The following RSU1 variants were observed in gnomAD, a reference collection of about 807,000 sequenced individuals.
The protein encoded by RSU1 is Ras suppressor protein 1.
In RSU1, 26 loss-of-function variants were observed where a neutral mutation model predicts 31.1. The observed-to-expected ratio is 0.84, with a 90% CI of 0.61 to 1.16. RSU1 has a LOEUF of 1.16. RSU1 is among the 50% of genes most tolerant of loss of function. The pLI is 0.00. For missense variants in RSU1, 320 were observed against 339.1 expected, an observed-to-expected ratio of 0.94 and a Z score of 0.44; for synonymous variants, 164 against 136.3, an observed-to-expected ratio of 1.20 and a Z score of -1.41.
At chr10:16,710,650 G>A (rs1835999137) in intron 7 of RSU1, among the ~76,000 whole-genome samples, 1 of 151,958 alleles carries the variant, frequency 6.6e-6, no homozygotes. Context: ...TTTCTTTGAT[G>A]AAACATTTTT....
In RSU1 at chr10:16,768,365, T is replaced by G. The variant is rs184664643; in HGVS notation, c.161-3855A>C. Among the ~76,000 whole-genome samples, 721 of 152,332 alleles carry G rather than the reference T, an allele frequency of 4.7e-3. 1 individual carries two copies. Among genetic ancestry groups the G allele is most frequent in the Non-Finnish European group, 6.9e-3 (471 of 68,026 alleles). The stretch of plus-strand genomic sequence containing the variant: ...CTTTAAATAATTCAACAAATGGGGC[T>G]CTCAATTAGGAAGCTTAGTCATGTA... On this transcript the variant is annotated intron_variant, in intron 3 of 8. Coordinates refer to ENST00000345264, the MANE Select transcript of RSU1 (RefSeq NM_012425.4).
intron 7 of RSU1, among the ~76,000 whole-genome samples, chr10:16,696,344 T>C (rs1835676713): frequency 6.6e-6 from 1 of 152,244 alleles, no homozygotes; most frequent in Admixed American, 6.5e-5. Context: ...AATCATTGCC[T>C]AGCTGATCTG....
chr10:16,812,680 G>C (rs1381753323), intron 2 of RSU1, among the ~76,000 whole-genome samples: 4 of 151,888 alleles, frequency 2.6e-5, no homozygotes, highest in Admixed American at 2.0e-4. Flanking sequence ...TTGTTTTCGA[G>C]ATTTATCTGA....
intron 8 of RSU1, among the ~76,000 whole-genome samples, chr10:16,683,392 T>G (rs1835374172): frequency 6.6e-6 from 1 of 152,158 alleles, no homozygotes; most frequent in Non-Finnish European, 1.5e-5. Context: ...TTCATATGTG[T>G]TTATAAGGTT....
intron 8 of RSU1, among the ~76,000 whole-genome samples, chr10:16,644,090 G>A (rs1834492886): frequency 6.6e-6 from 1 of 151,662 alleles, no homozygotes; most frequent in Non-Finnish European, 1.5e-5. Flanking sequence ...GTATTGTAAG[G>A]TGGGCAGAGG....
At chr10:16,803,525 C>A (rs558853378) in intron 2 of RSU1, among the ~76,000 whole-genome samples, 138 of 152,248 alleles carry the variant, frequency 9.1e-4, no homozygotes, top group Non-Finnish European at 1.7e-3. Flanking sequence ...GGCAGAACAG[C>A]CAATGCAATA....
At chr10:16,695,176 A>T (rs758897918) in intron 7 of RSU1, 21 bp from the exon 8 acceptor site, 3 of 1,578,514 alleles carry the variant, frequency 1.9e-6, no homozygotes, top group East Asian at 2.3e-5. Context: ...GGAAAAAAAA[A>T]GTGAAGGTCA....
intron 8 of RSU1, among the ~76,000 whole-genome samples, chr10:16,683,160 G>GGTGTGTGTGTGTGTGCGTGTGT (rs1835367440): frequency 7.0e-6 from 1 of 143,352 alleles, no homozygotes; most frequent in African/African-American, 2.6e-5. Flanking sequence ...ATGGGTGTGT[G>GGTGTGTGTGTGTGTGCGTGTGT]GTGTGTGTGT....
chr10:16,632,470 G>A (rs866604677), intron 8 of RSU1, among the ~76,000 whole-genome samples: 1 of 152,100 alleles, frequency 6.6e-6, no homozygotes. Context: ...TTAAAAAAAA[G>A]CTCCTAATTA....
At chr10:16,623,343 G>A (rs955625366) in intron 8 of RSU1, among the ~76,000 whole-genome samples, 3 of 152,194 alleles carry the variant, frequency 2.0e-5, no homozygotes, top group African/African-American at 4.8e-5. Flanking sequence ...AGCTCCATAT[G>A]TTGCTGCAAA....
At chr10:16,593,682 CGCCAT>C (rs1309552209) in intron 8 of RSU1, among the ~76,000 whole-genome samples, 186 bp from the exon 9 acceptor site, 1 of 152,212 alleles carries the variant, frequency 6.6e-6, no homozygotes, top group African/African-American at 2.4e-5. Context: ...TACACATGCA[CGCCAT>C]GCCATGATGT....
intron 7 of RSU1, among the ~76,000 whole-genome samples, chr10:16,717,846 G>T (rs907086547): frequency 2.6e-5 from 4 of 152,034 alleles, no homozygotes; most frequent in Non-Finnish European, 4.4e-5. Context: ...CAAAAAAAAC[G>T]CATTACTATA....
intron 8 of RSU1, among the ~76,000 whole-genome samples, chr10:16,660,660 T>C (rs913232830): frequency 2.0e-5 from 3 of 147,050 alleles, no homozygotes; most frequent in African/African-American, 7.6e-5. Context: ...TTTTTTTTTT[T>C]TTTTGAGGAA....
intron 7 of RSU1, among the ~76,000 whole-genome samples, chr10:16,731,560 C>G (rs1836512491): frequency 6.6e-6 from 1 of 152,152 alleles, no homozygotes; most frequent in African/African-American, 2.4e-5. Flanking sequence ...TTTACGGTGC[C>G]TGGCATATAC....
chr10:16,755,171 T>C (rs930767842), intron 4 of RSU1, among the ~76,000 whole-genome samples, 182 bp from the exon 5 acceptor site: 1 of 152,122 alleles, frequency 6.6e-6, no homozygotes, highest in African/African-American at 2.4e-5. Context: ...GCCTAGGTTT[T>C]AGTGCAGAGG....
chr10:16,782,226 C>A, intron 2 of RSU1, 142 bp from the exon 3 acceptor site: 1 of 634,860 alleles, frequency 1.6e-6, no homozygotes. Context: ...AGCTAGGATT[C>A]ATGTAACACG....
At chr10:16,787,027 T>C (rs1004997280) in intron 2 of RSU1, among the ~76,000 whole-genome samples, 1 of 152,074 alleles carries the variant, frequency 6.6e-6, no homozygotes, top group Non-Finnish European at 1.5e-5. Context: ...AGGGCCTGGG[T>C]TGGCTTGGTG....
At chr10:16,673,871 G>A (rs972884311) in intron 8 of RSU1, among the ~76,000 whole-genome samples, 1 of 152,136 alleles carries the variant, frequency 6.6e-6, no homozygotes, top group African/African-American at 2.4e-5. Flanking sequence ...TATTTTAAGG[G>A]CTGGGAAGAA....
At chr10:16,671,721 G>A (rs1835108842) in intron 8 of RSU1, among the ~76,000 whole-genome samples, 1 of 151,988 alleles carries the variant, frequency 6.6e-6, no homozygotes, top group South Asian at 2.1e-4. Flanking sequence ...CACCTCCCAG[G>A]TTCAAGCAAT....
Sources: allele counts gnomAD v4.1 joint callset (sites outside exome capture counted in the v4.1 genomes callset), GRCh38; gene constraint gnomAD v4.1.1; transcripts MANE v1.5; gene names NCBI Gene and HGNC (gene_info 2026-07-23, HGNC 2026-07-21).